The following UHRF2 variants were observed in gnomAD, a reference collection of about 807,000 sequenced individuals.
UHRF2 encodes the protein E3 ubiquitin-protein ligase UHRF2.
UHRF2 carries 23 observed loss-of-function variants against 96.8 expected under a neutral mutation model. That is an observed-to-expected ratio of 0.24 (90% CI 0.17 to 0.34). UHRF2 has a LOEUF of 0.34. UHRF2 is among the 10% of genes least tolerant of loss of function. The pLI, the probability that UHRF2 is intolerant of heterozygous loss-of-function variation, is 1.00. For synonymous variants in UHRF2, 385 were observed against 332.6 expected (o/e 1.16, Z -1.72); for missense variants, 685 against 981.5 (o/e 0.70, Z 4.04).
At chr9:6,482,130 G>A in intron 8 of UHRF2, 31 bp downstream of exon 8, 1 of 1,556,746 alleles carries the variant, frequency 6.4e-7, no homozygotes, top group Non-Finnish European at 8.9e-7. Flanking sequence ...AGTTGAAAGG[G>A]GAGAATTGGC....
At position 6,506,089 on chromosome 9, in the gene UHRF2, T is replaced by A; in HGVS notation, c.2319T>A (p.His773Gln). 6.2e-7 allele frequency: 1 copy of A among 1,614,208 alleles called. No homozygotes were observed. Among genetic ancestry groups the A allele is most frequent in the South Asian group, 1.1e-5 (1 of 91,080 alleles). ...AQVFSCPACR[H>Q]DLGQNYIMIP... ...TTTTCTCCTGCCCTGCTTGCCGGCATGATCTTGGCCAGAATTACATCATGA... is the reference window on the plus strand; with the variant it reads ...TTTTCTCCTGCCCTGCTTGCCGGCAAGATCTTGGCCAGAATTACATCATGA... The change falls in exon 16 of 16, where the codon CAT becomes CAA. Residue 773 changes from histidine (H) to glutamine (Q), a missense_variant. His to Gln is a conservative substitution (Grantham distance 24). Around this residue, in one of 6 missense-constraint regions of UHRF2, gnomAD observed 71 missense variants for 114.1 expected, o/e 0.62. Coordinates refer to ENST00000276893, the MANE Select transcript of UHRF2 (RefSeq NM_152896.3).
intron 2 of UHRF2, among the ~76,000 whole-genome samples, chr9:6,427,322 G>A (rs1157089038): frequency 6.6e-6 from 1 of 152,100 alleles, no homozygotes; most frequent in African/African-American, 2.4e-5. Context: ...TGATAAGCAG[G>A]TACAAAAGAT....
At chr9:6,490,737 C>T (rs986581513) in intron 9 of UHRF2, among the ~76,000 whole-genome samples, 3 of 152,132 alleles carry the variant, frequency 2.0e-5, no homozygotes, top group Non-Finnish European at 2.9e-5. Flanking sequence ...GAGATAAGTA[C>T]TGATGAACTG....
intron 1 of UHRF2, among the ~76,000 whole-genome samples, chr9:6,418,829 C>T (rs10758787): frequency 0.71 from 107,853 of 151,488 alleles, 40,402 homozygotes; most frequent in South Asian, 0.83. Flanking sequence ...TGGCTTAAAA[C>T]AATAGAAATT....
At position 6,413,398 on chromosome 9, in the gene UHRF2, C is replaced by T. The variant is rs907264555; in HGVS notation, c.-93C>T. The T allele has an allele frequency of 8.1e-7, 1 of 1,235,950 alleles. No homozygotes were observed. Among genetic ancestry groups the T allele is most frequent in the South Asian group, 3.4e-5 (1 of 29,770 alleles). 76.6% of individuals were successfully genotyped at this position (1,235,950 alleles called of 1,614,324 possible). ...GCTCGCCCGCCTGCCGCTGAGGGCC[C>T]GAGCCGCAGGGAAAGCGGCGCGGGC... On this transcript the variant is annotated 5_prime_UTR_variant, in exon 1 of 16. Transcript: ENST00000276893.
chr9:6,506,552 G>C lies in UHRF2; in HGVS notation c.*373G>C, dbSNP rs949977584. On this transcript the variant is annotated 3_prime_UTR_variant, in exon 16 of 16. Coordinates refer to ENST00000276893, the MANE Select transcript of UHRF2 (RefSeq NM_152896.3). ...GCTACACACTGCCTCCCAAATATTA[G>C]TTGTGCCTGGTTCTTGTAATTTGAT... The C allele has an allele frequency of 6.3e-6, 1 of 159,906 alleles. No individual in the cohort carries two copies. Among genetic ancestry groups the C allele is most frequent in the African/African-American group, 2.4e-5 (1 of 41,652 alleles). 9.9% of individuals were successfully genotyped at this position (159,906 alleles called of 1,614,324 possible).
At chr9:6,460,179 A>T (rs1193657609) in intron 3 of UHRF2, among the ~76,000 whole-genome samples, 2 of 152,224 alleles carry the variant, frequency 1.3e-5, no homozygotes, top group Non-Finnish European at 2.9e-5. Context: ...GAATATCTAG[A>T]TTATAACAGT....
chr9:6,450,442 A>G (rs1296677461), intron 3 of UHRF2, among the ~76,000 whole-genome samples: 2 of 152,132 alleles, frequency 1.3e-5, no homozygotes, highest in Non-Finnish European at 2.9e-5. Context: ...GAAGCTAATA[A>G]TTAAAGTTTA....
intron 6 of UHRF2, among the ~76,000 whole-genome samples, chr9:6,480,603 A>G (rs1823868449): frequency 6.6e-6 from 1 of 152,192 alleles, no homozygotes; most frequent in Non-Finnish European, 1.5e-5. Flanking sequence ...TAACCTGTGC[A>G]CTAATTTTCT....
intron 3 of UHRF2, among the ~76,000 whole-genome samples, chr9:6,445,045 C>G (rs1383003035): frequency 6.8e-6 from 1 of 146,688 alleles, no homozygotes; most frequent in East Asian, 2.1e-4. Flanking sequence ...AATCCTAGCA[C>G]TTTGGGAGAC....
rs1391974301 is a variant in UHRF2, at chr9:6,497,459, A to T, written c.1767+99A>T. 5 of 1,346,036 alleles carry T rather than the reference A, an allele frequency of 3.7e-6. No homozygotes were observed. In the African/African-American group the frequency reaches 7.3e-5, roughly 20 times the overall value. 83.4% of individuals were successfully genotyped at this position (1,346,036 alleles called of 1,614,324 possible). A position where few individuals can be genotyped will look rare whatever the true frequency, so the allele number is the denominator to read the frequency against. On this transcript the variant is annotated intron_variant, in intron 11 of 15. Coordinates refer to ENST00000276893, the MANE Select transcript of UHRF2 (RefSeq NM_152896.3). The stretch of plus-strand genomic sequence containing the variant: ...CTGTGGGTGGGCTCGAGGAAACAGT[A>T]GCCATCTTATATTGCTACTTTTTCT...
intron 8 of UHRF2, among the ~76,000 whole-genome samples, chr9:6,485,567 A>C (rs1346631067): frequency 6.6e-6 from 1 of 150,490 alleles, no homozygotes; most frequent in Admixed American, 6.6e-5. Context: ...TGTTGCTGTC[A>C]CCTTCTTGTT....
At chr9:6,431,973 G>C (rs910421613) in intron 2 of UHRF2, among the ~76,000 whole-genome samples, 1 of 152,152 alleles carries the variant, frequency 6.6e-6, no homozygotes, top group Admixed American at 6.6e-5. Context: ...AGTAACCTCA[G>C]TTTATTCTCC....
At chr9:6,504,850 GT>G (rs1183290906) in intron 15 of UHRF2, among the ~76,000 whole-genome samples, 159 bp downstream of exon 15, 4 of 152,128 alleles carry the variant, frequency 2.6e-5, no homozygotes, top group Non-Finnish European at 4.4e-5. Context: ...GTAAATGCAT[GT>G]TTTAATTAGA....
At chr9:6,446,982 G>A (rs533382914) in intron 3 of UHRF2, among the ~76,000 whole-genome samples, 4 of 152,158 alleles carry the variant, frequency 2.6e-5, no homozygotes, top group East Asian at 1.9e-4. Flanking sequence ...TCCGCCTCCC[G>A]GGTTCACGCC....
At chr9:6,505,737 A>G (rs527623981) in intron 15 of UHRF2, among the ~76,000 whole-genome samples, 2 of 152,358 alleles carry the variant, frequency 1.3e-5, no homozygotes, top group African/African-American at 4.8e-5. Flanking sequence ...AATCTAACCC[A>G]GAAGATTAGG....
At chr9:6,445,998 T>TTTTTTTTTTTTTTTTTTTTTTTC (rs772184475) in intron 3 of UHRF2, among the ~76,000 whole-genome samples, 1 of 129,870 alleles carries the variant, frequency 7.7e-6, no homozygotes, top group Non-Finnish European at 1.6e-5. Context: ...TTTTTTTTTT[T>TTTTTTTTTTTTTTTTTTTTTTTC]TTCCTGTTTT....
At chr9:6,482,146 G>A in intron 8 of UHRF2, 47 bp downstream of exon 8, 1 of 1,439,604 alleles carries the variant, frequency 6.9e-7, no homozygotes, top group Admixed American at 1.7e-5. Flanking sequence ...TTGGCTATCA[G>A]ATTATAGCAA....
At chr9:6,503,881 A>G (rs887566440) in intron 14 of UHRF2, among the ~76,000 whole-genome samples, 1 of 152,078 alleles carries the variant, frequency 6.6e-6, no homozygotes, top group African/African-American at 2.4e-5. Context: ...TTAACATCAT[A>G]TATTGACTTT....
Sources: allele counts gnomAD v4.1 joint callset (sites outside exome capture counted in the v4.1 genomes callset), GRCh38; gene constraint gnomAD v4.1.1; regional missense constraint gnomAD v4.1.1; transcripts MANE v1.5; gene names NCBI Gene and HGNC (gene_info 2026-07-23, HGNC 2026-07-21).